Variants in PRTG observed in about 807,000 individuals in gnomAD.
PRTG encodes immunoglobulin superfamily, DCC subclass, member 5.
Under a neutral mutation model 122.5 loss-of-function variants are expected in PRTG, and 67 were observed. The observed-to-expected ratio is 0.55, with a 90% confidence interval of 0.45 to 0.67. The LOEUF is 0.67. PRTG is among the 30% of genes least tolerant of loss of function. PRTG has a pLI of 0.00. For synonymous variants in PRTG, 554 were observed against 501.1 expected (o/e 1.11, Z -1.41); for missense variants, 1,435 against 1,415.4 (o/e 1.01, Z -0.22).
chr15:55,684,154 G>A (rs1290479246), intron 2 of PRTG, among the ~76,000 whole-genome samples: 2 of 152,180 alleles, frequency 1.3e-5, no homozygotes, highest in African/African-American at 4.8e-5. Flanking sequence ...TTCTAAATAG[G>A]TTCGCAAGAA....
intron 11 of PRTG, among the ~76,000 whole-genome samples, chr15:55,658,322 T>A (rs192899297): frequency 0.011 from 1,597 of 152,052 alleles, 13 homozygotes; most frequent in South Asian, 0.022. Context: ...TTTTATTTTT[T>A]TTTTTTTTTT....
intron 11 of PRTG, among the ~76,000 whole-genome samples, chr15:55,662,376 C>T (rs2059414965): frequency 6.6e-6 from 1 of 152,102 alleles, no homozygotes; most frequent in South Asian, 2.1e-4. Context: ...CTGCATTCAA[C>T]TGGGTTACAA....
chr15:55,710,027 G>A (rs2030317244), intron 2 of PRTG, among the ~76,000 whole-genome samples: 1 of 151,088 alleles, frequency 6.6e-6, no homozygotes. Context: ...TTTTAAATCT[G>A]AAAAAAAACC....
chr15:55,657,906 C>CA (rs1438295456), intron 11 of PRTG, among the ~76,000 whole-genome samples: 1 of 151,722 alleles, frequency 6.6e-6, no homozygotes, highest in Non-Finnish European at 1.5e-5. Flanking sequence ...TCAGACAAGC[C>CA]AAAAAAAGGA....
intron 2 of PRTG, among the ~76,000 whole-genome samples, chr15:55,727,868 T>G (rs767789974): frequency 6.6e-6 from 1 of 151,916 alleles, no homozygotes; most frequent in Non-Finnish European, 1.5e-5. Flanking sequence ...TCCACAAAAT[T>G]TATTTATCTG....
At chr15:55,630,361 A>C (rs1475888586) in intron 15 of PRTG, among the ~76,000 whole-genome samples, 1 of 151,476 alleles carries the variant, frequency 6.6e-6, no homozygotes, top group African/African-American at 2.4e-5. Context: ...GACCTCAAGT[A>C]ATCTGCCCAC....
At chr15:55,691,869 C>CA (rs1463082833) in intron 2 of PRTG, among the ~76,000 whole-genome samples, 5 of 150,828 alleles carry the variant, frequency 3.3e-5, no homozygotes, top group East Asian at 3.9e-4. Flanking sequence ...CCCGTCTCTA[C>CA]AAAAAAAAGT....
At position 55,616,892 on chromosome 15, in the gene PRTG, T is replaced by A. The variant is rs933650622; in HGVS notation, c.*3120A>T. 7 of 152,270 alleles carry A rather than the reference T, an allele frequency of 4.6e-5. No individual in the cohort carries two copies. Among genetic ancestry groups the A allele is most frequent in the African/African-American group, 1.7e-4 (7 of 41,572 alleles). The allele number at this position is 152,270 out of a possible 1,614,324, so 9.4% of individuals were successfully genotyped here. The stretch of plus-strand genomic sequence containing the variant: ...TTCAAATCTGCTCATCTTTACTTAC[T>A]TACAGGCTAACCTATACATCTTAAT... On this transcript the variant is annotated 3_prime_UTR_variant, in exon 20 of 20. Coordinates refer to ENST00000389286, the MANE Select transcript of PRTG (RefSeq NM_173814.6).
intron 2 of PRTG, among the ~76,000 whole-genome samples, chr15:55,726,658 T>A (rs4774806): frequency 0.38 from 52,305 of 136,622 alleles, 12,084 homozygotes; most frequent in Non-Finnish European, 0.53. Context: ...AAAAAAAAAA[T>A]AGATTAAAAT....
At chr15:55,669,849 A>G (rs552111206) in intron 11 of PRTG, among the ~76,000 whole-genome samples, 10 of 152,350 alleles carry the variant, frequency 6.6e-5, no homozygotes, top group Non-Finnish European at 1.2e-4. Flanking sequence ...ATCACTCAAT[A>G]TAATTCCACA....
intron 8 of PRTG, among the ~76,000 whole-genome samples, chr15:55,677,503 G>C (rs1190313479): frequency 6.6e-6 from 1 of 152,064 alleles, no homozygotes; most frequent in African/African-American, 2.4e-5. Flanking sequence ...ACCTTGTCTG[G>C]AATGAAATTC....
At chr15:55,634,336 G>C (rs539744539) in intron 15 of PRTG, among the ~76,000 whole-genome samples, 2 of 152,060 alleles carry the variant, frequency 1.3e-5, no homozygotes, top group Non-Finnish European at 2.9e-5. Flanking sequence ...CCAAACTGCT[G>C]GGATTACAGG....
intron 2 of PRTG, among the ~76,000 whole-genome samples, chr15:55,730,361 C>G (rs535657876): frequency 2.1e-4 from 32 of 152,252 alleles, no homozygotes; most frequent in Admixed American, 9.1e-4. Flanking sequence ...CTCGGCCTCC[C>G]AAAGTGCTGG....
rs2141701583 is a variant in PRTG at position 55,616,596 on chromosome 15, A to G, written c.*3416T>C. 1 of 152,278 alleles carries G rather than the reference A, an allele frequency of 6.6e-6. No homozygotes were observed. The highest frequency in any genetic ancestry group is 2.1e-4 in the South Asian group (1 of 4,824). 9.4% of individuals were successfully genotyped at this position (152,278 alleles called of 1,614,324 possible). ...TAAATGGAAAGTCCTCATGCATGTT[A>G]TTTGTATACAGACTGTGTTCCGAAG... is the stretch of plus-strand genomic sequence containing the variant. On this transcript the variant is annotated 3_prime_UTR_variant, in exon 20 of 20. Coordinates refer to ENST00000389286, the MANE Select transcript of PRTG (RefSeq NM_173814.6).
rs536821094 is a variant in PRTG at position 55,618,521 on chromosome 15, C to G, written c.*1491G>C. The G allele has an allele frequency of 2.6e-5, 4 of 152,284 alleles. No homozygotes were observed. In the East Asian group the frequency reaches 7.7e-4, roughly 29 times the overall value. 9.4% of individuals were successfully genotyped at this position (152,284 alleles called of 1,614,324 possible). On this transcript the variant is annotated 3_prime_UTR_variant, in exon 20 of 20. Coordinates refer to ENST00000389286, the MANE Select transcript of PRTG (RefSeq NM_173814.6). ...CGGCACCTAGGTAACTGTCTCATGACGGAGAAAAGGCCTATGTTATGTAGC... is the reference window on the plus strand; with the variant it reads ...CGGCACCTAGGTAACTGTCTCATGAGGGAGAAAAGGCCTATGTTATGTAGC...
chr15:55,733,460 A>AG (rs2031304945), intron 2 of PRTG, among the ~76,000 whole-genome samples: 1 of 151,120 alleles, frequency 6.6e-6, no homozygotes. Context: ...TGGTGAACCA[A>AG]GATCACACCA....
At chr15:55,741,705 A>C (rs557103729) in intron 1 of PRTG, among the ~76,000 whole-genome samples, 2 of 152,328 alleles carry the variant, frequency 1.3e-5, no homozygotes, top group Non-Finnish European at 2.9e-5. Context: ...ACAAACCCCC[A>C]GAAATGATTT....
In PRTG at chr15:55,723,887, A is replaced by G. The variant is rs1043643641; in HGVS notation, c.397+16495T>C. Among the ~76,000 whole-genome samples, 7 of 151,178 alleles carry G rather than the reference A, an allele frequency of 4.6e-5. No individual in the cohort carries two copies. In the East Asian group the frequency reaches 1.4e-3, roughly 29 times the overall value. ...CTGCCTCAGCCTCCTGAGTAGCTGG[A>G]ATTACAGGTGCCTGCCACCACACCT... On this transcript the variant is annotated intron_variant, in intron 2 of 19. Transcript: ENST00000389286.
At chr15:55,742,565 A>C (rs866885361) in intron 1 of PRTG, 24 of 434,828 alleles carry the variant, frequency 5.5e-5, no homozygotes, top group African/African-American at 4.2e-4. Flanking sequence ...CGGCCGCCAG[A>C]ACTCCGCAGC....
Sources: gnomAD v4.1 joint callset for allele counts (sites outside exome capture counted in the v4.1 genomes callset) on GRCh38, gnomAD v4.1.1 for gene constraint, MANE v1.5 for transcripts, NCBI Gene and HGNC (gene_info 2026-07-23, HGNC 2026-07-21) for gene names.